LY75: variants seen among roughly 807,000 people sequenced by gnomAD.
The protein encoded by LY75 is lymphocyte antigen 75.
Under a neutral mutation model 231.7 loss-of-function variants are expected in LY75, and 185 were observed. That is an observed-to-expected ratio of 0.80 (90% CI 0.71 to 0.90). LY75 has a LOEUF of 0.90. LY75 is among the 40% of genes least tolerant of loss of function. LY75 has a pLI of 0.00. For synonymous variants in LY75, 668 were observed against 689.0 expected, an observed-to-expected ratio of 0.97 and a Z score of 0.48; for missense variants, 1,947 against 2,050.2, an observed-to-expected ratio of 0.95 and a Z score of 0.97.
In LY75 at chr2:159,856,795, A is replaced by T. The variant is rs539766579; in HGVS notation, c.2383+1567T>A. Among the ~76,000 whole-genome samples, 12 of 151,062 alleles carry T rather than the reference A, an allele frequency of 7.9e-5. No homozygotes were observed. In the South Asian group the frequency reaches 2.3e-3, roughly 29 times the overall value. ...TCTCTCTTGTTAAAAAATATATATT[A>T]AAAAAAATATATATACACCTCCACA... is the stretch of plus-strand genomic sequence containing the variant. On this transcript the variant is annotated intron_variant, in intron 16 of 34. Transcript: ENST00000263636.
intron 23 of LY75, among the ~76,000 whole-genome samples, chr2:159,844,485 G>C (rs935066184): frequency 2.0e-5 from 3 of 152,028 alleles, no homozygotes; most frequent in Non-Finnish European, 4.4e-5. Flanking sequence ...ACCTGTTGAG[G>C]TCCAGATCAA....
chr2:159,894,517 A>G (rs936383327), intron 2 of LY75, among the ~76,000 whole-genome samples: 2 of 152,280 alleles, frequency 1.3e-5, no homozygotes, highest in African/African-American at 4.8e-5. Context: ...TGTTGGAGCC[A>G]GAAAAATTCC....
chr2:159,875,803 G>A (rs1397157378), intron 11 of LY75, 160 bp from the exon 12 acceptor site: 1 of 461,456 alleles, frequency 2.2e-6, no homozygotes, highest in Non-Finnish European at 2.8e-6. Context: ...AATAATGACA[G>A]GTGTTTATTA....
intron 15 of LY75, among the ~76,000 whole-genome samples, chr2:159,858,690 C>T (rs2729717): frequency 0.034 from 5,246 of 152,264 alleles, 256 homozygotes; most frequent in East Asian, 0.16. Context: ...GTTGTAAAGT[C>T]ATGTTTATGT....
chr2:159,807,380 TTCTG>T (rs1264161286), intron 33 of LY75, among the ~76,000 whole-genome samples: 2 of 152,242 alleles, frequency 1.3e-5, no homozygotes, highest in Non-Finnish European at 2.9e-5. Flanking sequence ...TATAGAACAT[TTCTG>T]TCTTTGTAGA....
chr2:159,836,152 C>T (rs1317090340), intron 25 of LY75, among the ~76,000 whole-genome samples: 2 of 152,150 alleles, frequency 1.3e-5, no homozygotes, highest in African/African-American at 2.4e-5. Context: ...CTGATTCAGT[C>T]ACTTACTAGC....
intron 28 of LY75, among the ~76,000 whole-genome samples, chr2:159,827,942 C>T (rs1189828406): frequency 2.0e-5 from 3 of 151,946 alleles, no homozygotes; most frequent in Non-Finnish European, 2.9e-5. Flanking sequence ...GAACATCACA[C>T]ACTGGGCCTG....
At chr2:159,883,308 G>A (rs1483297451) in intron 6 of LY75, among the ~76,000 whole-genome samples, 1 of 151,542 alleles carries the variant, frequency 6.6e-6, no homozygotes, top group Non-Finnish European at 1.5e-5. Flanking sequence ...AAAAAATGTG[G>A]ACAGTTTGTT....
At chr2:159,857,857 TTATCAAAGGCTATAC>T in intron 16 of LY75, among the ~76,000 whole-genome samples, 1 of 152,328 alleles carries the variant, frequency 6.6e-6, no homozygotes, top group East Asian at 1.9e-4. Context: ...CTCCCTTCTG[TTATCAAAGGCTATAC>T]TATCAATCTA....
At chr2:159,890,428 T>A in intron 3 of LY75, 51 bp from the exon 4 acceptor site, 1 of 1,605,064 alleles carries the variant, frequency 6.2e-7, no homozygotes, top group Non-Finnish European at 8.5e-7. Context: ...TAATGTTTTC[T>A]ATTACTTAGA....
intron 24 of LY75, 137 bp downstream of exon 24, chr2:159,842,108 G>C (rs1387818970): frequency 9.6e-7 from 1 of 1,043,232 alleles, no homozygotes; most frequent in East Asian, 3.4e-5. Context: ...TTGGACCCAG[G>C]TGGTAAGCAT....
chr2:159,862,341 C>A (rs1344402135), intron 14 of LY75, among the ~76,000 whole-genome samples: 1 of 149,886 alleles, frequency 6.7e-6, no homozygotes, highest in Non-Finnish European at 1.5e-5. Flanking sequence ...CATCTGTGGT[C>A]TCAGCTACTG....
intron 4 of LY75, among the ~76,000 whole-genome samples, chr2:159,889,768 C>G (rs149528874): frequency 1.3e-3 from 191 of 152,266 alleles, no homozygotes; most frequent in Admixed American, 1.8e-3. Context: ...ATTAAATCCA[C>G]TTTAAGATTT....
rs538688224 is a variant in LY75 at position 159,838,323 on chromosome 2, G to A, written c.3507+2406C>T. The stretch of plus-strand genomic sequence containing the variant: ...GCTACACAGAATATGTTAAAATTAA[G>A]GGTGAAAGGGAAAAGAGAACCATAG... On this transcript the variant is annotated intron_variant, in intron 25 of 34. Coordinates refer to ENST00000263636, the MANE Select transcript of LY75 (RefSeq NM_002349.4). 3.7e-4 allele frequency among the ~76,000 whole-genome samples: 56 copies of A among 152,224 alleles called. No individual in the cohort carries two copies. In the South Asian group the frequency reaches 6.8e-3, roughly 19 times the overall value.
At chr2:159,904,100 G>A (rs991020839) in intron 1 of LY75, among the ~76,000 whole-genome samples, 1 of 150,918 alleles carries the variant, frequency 6.6e-6, no homozygotes, top group Non-Finnish European at 1.5e-5. Context: ...GATGCGCACC[G>A]TAGGCGCAGT....
intron 29 of LY75, among the ~76,000 whole-genome samples, chr2:159,819,370 C>A (rs915496927): frequency 6.6e-6 from 1 of 152,028 alleles, no homozygotes; most frequent in African/African-American, 2.4e-5. Flanking sequence ...ATTTTTCAAA[C>A]CCCAACCAAG....
chr2:159,816,703 T>G, intron 30 of LY75, 103 bp downstream of exon 30: 1 of 1,494,480 alleles, frequency 6.7e-7, no homozygotes, highest in Non-Finnish European at 9.0e-7. Flanking sequence ...GGAGTCCCAG[T>G]ACTTCATCTA....
At chr2:159,865,864 T>C (rs1452260712) in intron 13 of LY75, among the ~76,000 whole-genome samples, 1 of 152,160 alleles carries the variant, frequency 6.6e-6, no homozygotes, top group Non-Finnish European at 1.5e-5. Context: ...TATGTCTAAG[T>C]AATCCTTTCC....
chr2:159,848,051 T>C (rs1161578143), intron 23 of LY75, among the ~76,000 whole-genome samples: 2 of 135,358 alleles, frequency 1.5e-5, no homozygotes, highest in Admixed American at 1.6e-4. Context: ...AATGAATGGA[T>C]AAAGAAATTA....
Sources: allele counts gnomAD v4.1 joint callset (sites outside exome capture counted in the v4.1 genomes callset), GRCh38; gene constraint gnomAD v4.1.1; transcripts MANE v1.5; gene names NCBI Gene and HGNC (gene_info 2026-07-23, HGNC 2026-07-21).